ANKS1B: variants seen among roughly 807,000 people sequenced by gnomAD.
The protein encoded by ANKS1B is ankyrin repeat and sterile alpha motif domain containing 1B.
Under a neutral mutation model 148.3 loss-of-function variants are expected in ANKS1B, and 36 were observed. That is an observed-to-expected ratio of 0.24 (90% CI 0.19 to 0.32). The LOEUF (loss-of-function observed/expected upper bound fraction) is 0.32. Among genes scored for constraint, ANKS1B ranks in the 10% least tolerant of loss-of-function variants. The pLI is 1.00. For synonymous variants in ANKS1B, 542 were observed against 560.8 expected (o/e 0.97, Z 0.47); for missense variants, 1,157 against 1,542.6 (o/e 0.75, Z 4.19).
chr12:99,847,013 G>A (rs550558943), intron 1 of ANKS1B, among the ~76,000 whole-genome samples: 1 of 152,114 alleles, frequency 6.6e-6, no homozygotes, highest in South Asian at 2.1e-4. Context: ...GCCTCAGAAA[G>A]CAACACCCTA....
downstream of ANKS1B, among the ~76,000 whole-genome samples, chr12:98,742,580 TAAGTG>T (rs539290254): frequency 1.3e-5 from 2 of 152,222 alleles, no homozygotes; most frequent in Non-Finnish European, 2.9e-5. Context: ...CAGAAACAGT[TAAGTG>T]GAGTTGGCAT....
intron 19 of ANKS1B, among the ~76,000 whole-genome samples, chr12:98,809,952 C>T (rs913637489): frequency 2.0e-5 from 3 of 152,184 alleles, no homozygotes; most frequent in African/African-American, 7.2e-5. Flanking sequence ...AAATTATCAA[C>T]AGGACCCGAG....
intron 14 of ANKS1B, among the ~76,000 whole-genome samples, chr12:99,215,089 G>C (rs934302045): frequency 2.0e-5 from 3 of 152,194 alleles, no homozygotes; most frequent in African/African-American, 7.2e-5. Context: ...CATTCACAAA[G>C]ATATGGTTTG....
intron 14 of ANKS1B, among the ~76,000 whole-genome samples, chr12:99,228,844 C>T (rs189998855): frequency 6.6e-6 from 1 of 152,026 alleles, no homozygotes; most frequent in Admixed American, 6.5e-5. Flanking sequence ...AAACAGTATT[C>T]ACTTAGGAAA....
intron 22 of ANKS1B, among the ~76,000 whole-genome samples, chr12:98,784,634 G>T (rs1310654060): frequency 6.6e-6 from 1 of 152,168 alleles, no homozygotes; most frequent in African/African-American, 2.4e-5. Flanking sequence ...TGCAATGGAT[G>T]CCAGTTAAAG....
intron 22 of ANKS1B, among the ~76,000 whole-genome samples, chr12:98,790,264 T>A (rs1264824123): frequency 6.6e-6 from 1 of 152,196 alleles, no homozygotes; most frequent in Non-Finnish European, 1.5e-5. Flanking sequence ...AAAGGGGTAG[T>A]TGTCAGCAAA....
At chr12:99,757,390 A>G (rs552795567) in intron 8 of ANKS1B, among the ~76,000 whole-genome samples, 2 of 152,202 alleles carry the variant, frequency 1.3e-5, no homozygotes, top group African/African-American at 4.8e-5. Context: ...CAAAACCACA[A>G]TGAGATGCCA....
chr12:99,960,136 G>A (rs1320320558), intron 1 of ANKS1B, among the ~76,000 whole-genome samples: 1 of 152,184 alleles, frequency 6.6e-6, no homozygotes, highest in Non-Finnish European at 1.5e-5. Flanking sequence ...ATTATTTTAA[G>A]ATTCATATTT....
At chr12:99,325,763 A>G (rs913286038) in intron 12 of ANKS1B, among the ~76,000 whole-genome samples, 1 of 152,108 alleles carries the variant, frequency 6.6e-6, no homozygotes, top group African/African-American at 2.4e-5. Context: ...GTACGATCCT[A>G]AAGACAAAGC....
At chr12:98,742,546 A>G (rs1298229600), downstream of ANKS1B, among the ~76,000 whole-genome samples, 1 of 152,250 alleles carries the variant, frequency 6.6e-6, no homozygotes, top group African/African-American at 2.4e-5. Flanking sequence ...AGTTCTCAAT[A>G]AGTAGACCGA....
At chr12:99,039,931 A>G (rs934274076) in intron 17 of ANKS1B, among the ~76,000 whole-genome samples, 1 of 152,148 alleles carries the variant, frequency 6.6e-6, no homozygotes, top group Non-Finnish European at 1.5e-5. Flanking sequence ...AGTAAGTGAG[A>G]ATGACTCATA....
At chr12:99,158,562 A>T (rs995736080) in intron 14 of ANKS1B, among the ~76,000 whole-genome samples, 1 of 152,176 alleles carries the variant, frequency 6.6e-6, no homozygotes, top group Non-Finnish European at 1.5e-5. Context: ...ACTTAACTTG[A>T]AAATTATAAA....
At chr12:99,863,516 C>A (rs1001086186) in intron 1 of ANKS1B, among the ~76,000 whole-genome samples, 1 of 151,896 alleles carries the variant, frequency 6.6e-6, no homozygotes, top group Admixed American at 6.6e-5. Flanking sequence ...GAGATTGAGA[C>A]CATCCTGGCT....
In ANKS1B at chr12:99,648,589, C is replaced by T. The variant is rs141888262; in HGVS notation, c.1272+6478G>A. On this transcript the variant is annotated intron_variant, in intron 9 of 26. Coordinates refer to ENST00000683438, the MANE Select transcript of ANKS1B (RefSeq NM_001352186.2). ...CCACAACAGCGTAAAAAAACAGCTC[C>T]ACCTGAAGCTTGCCACGGGCCGCTC... 4 of 1,614,074 alleles carry T rather than the reference C, an allele frequency of 2.5e-6. No individual in the cohort carries two copies. In the African/African-American group the frequency reaches 4.0e-5, roughly 16 times the overall value.
At chr12:99,807,293 G>T (rs1006877345) in intron 3 of ANKS1B, among the ~76,000 whole-genome samples, 1 of 152,300 alleles carries the variant, frequency 6.6e-6, no homozygotes, top group South Asian at 2.1e-4. Context: ...ACCTAGATCA[G>T]TTCCCAGACA....
chr12:99,957,786 T>A (rs2095346093), intron 1 of ANKS1B, among the ~76,000 whole-genome samples: 1 of 152,204 alleles, frequency 6.6e-6, no homozygotes, highest in Admixed American at 6.5e-5. Context: ...ACCTTCTCAG[T>A]CAACAATTAG....
intron 15 of ANKS1B, among the ~76,000 whole-genome samples, chr12:99,142,130 C>A (rs56380337): frequency 6.6e-6 from 1 of 150,944 alleles, no homozygotes; most frequent in East Asian, 1.9e-4. Flanking sequence ...AGGGTACAGG[C>A]GGAAGCAGGG....
At chr12:99,578,350 C>G (rs1232017283) in intron 9 of ANKS1B, among the ~76,000 whole-genome samples, 2 of 152,014 alleles carry the variant, frequency 1.3e-5, no homozygotes, top group African/African-American at 2.4e-5. Context: ...ACTAAAGGTC[C>G]TAGCCAGAGC....
chr12:99,549,104 T>A (rs1254099282), intron 9 of ANKS1B, among the ~76,000 whole-genome samples: 2 of 152,074 alleles, frequency 1.3e-5, no homozygotes, highest in African/African-American at 4.8e-5. Context: ...TCAGTTAACA[T>A]AAAGAAGAAA....
Sources: allele counts gnomAD v4.1 joint callset (sites outside exome capture counted in the v4.1 genomes callset), GRCh38; gene constraint gnomAD v4.1.1; transcripts MANE v1.5; gene names NCBI Gene and HGNC (gene_info 2026-07-23, HGNC 2026-07-21).